UGT1A9: variants seen among roughly 807,000 people sequenced by gnomAD.
UGT1A9 encodes the protein UDP glucuronosyltransferase family 1 member A9.
In UGT1A9, 35 loss-of-function variants were observed where a neutral mutation model predicts 45.0. That is an observed-to-expected ratio of 0.78 (90% confidence interval 0.59 to 1.03). The LOEUF (loss-of-function observed/expected upper bound fraction) is 1.03. Ranked by LOEUF, UGT1A9 falls within the 50% of genes least tolerant of loss-of-function variation. UGT1A9 has a pLI of 0.00. For missense variants in UGT1A9, 687 were observed against 666.6 expected, an observed-to-expected ratio of 1.03 and a Z score of -0.34; for synonymous variants, 278 against 250.6, an observed-to-expected ratio of 1.11 and a Z score of -1.03.
intron 1 of UGT1A9, among the ~76,000 whole-genome samples, chr2:233,735,302 G>A (rs1400766071): frequency 6.6e-6 from 1 of 151,808 alleles, no homozygotes; most frequent in Non-Finnish European, 1.5e-5. Flanking sequence ...TTTTGTTAAA[G>A]TCTGTTTTAT....
At chr2:233,747,366 C>A in intron 1 of UGT1A9, 1 of 1,604,318 alleles carries the variant, frequency 6.2e-7, no homozygotes, top group Non-Finnish European at 8.5e-7. Context: ...GCGGGAGCTC[C>A]ATGCCAGAGG....
intron 1 of UGT1A9, among the ~76,000 whole-genome samples, chr2:233,731,421 G>A (rs1039281599): frequency 6.6e-6 from 1 of 151,738 alleles, no homozygotes; most frequent in Non-Finnish European, 1.5e-5. Flanking sequence ...TTTTCCTAAT[G>A]CCATCCCTCC....
chr2:233,747,827 G>A, intron 1 of UGT1A9: 1 of 1,613,482 alleles, frequency 6.2e-7, no homozygotes, highest in Non-Finnish European at 8.5e-7. Context: ...CAGACCACAT[G>A]ACATTCCTGC....
intron 1 of UGT1A9, among the ~76,000 whole-genome samples, chr2:233,723,841 T>C (rs2077133746): frequency 2.6e-5 from 1 of 38,274 alleles, no homozygotes; most frequent in Non-Finnish European, 4.5e-5. Flanking sequence ...GAGCACAGGG[T>C]TGGGGGTAAG....
In UGT1A9 at chr2:233,769,485, G is replaced by A; in HGVS notation, c.1295+1046G>A. On this transcript the variant is annotated intron_variant, in intron 4 of 4. Coordinates refer to ENST00000354728, the MANE Select transcript of UGT1A9 (RefSeq NM_021027.3). This position sits in a 1 kb window ranked among gnomAD's most constrained non-coding sequence, Gnocchi z 4.4. ...TATGCGTGTGTGTGTGTGTGCGTGTGTTTATGAGAGTGTCCATTGCTTTCT... is the reference window on the plus strand; with the variant it reads ...TATGCGTGTGTGTGTGTGTGCGTGTATTTATGAGAGTGTCCATTGCTTTCT... 6.2e-7 allele frequency: 1 copy of A among 1,612,612 alleles called. No individual in the cohort carries two copies. Among genetic ancestry groups the A allele is most frequent in the Non-Finnish European group, 8.5e-7 (1 of 1,179,716 alleles).
intron 1 of UGT1A9, among the ~76,000 whole-genome samples, chr2:233,745,269 G>A (rs528500230): frequency 2.6e-5 from 4 of 151,940 alleles, no homozygotes; most frequent in Admixed American, 2.6e-4. Context: ...CTTGCAGGCC[G>A]TGTGTATAGC....
rs772500318 is a variant in UGT1A9 at position 233,672,694 on chromosome 2, C to T, written c.760C>T (p.Arg254Ter). The T allele has an allele frequency of 3.7e-5, 59 of 1,613,794 alleles. No individual in the cohort carries two copies. The highest frequency in any genetic ancestry group is 1.6e-4 in the Middle Eastern group (1 of 6,076). ...LYSHTSIWLL[R>*]TDFVLDYPKP... is the part of the protein sequence containing the mutation. Reference sequence around the variant, plus strand: ...CAGCCACACATCAATTTGGTTGTTGCGAACGGACTTTGTTTTGGACTATCC... The same window carrying T: ...CAGCCACACATCAATTTGGTTGTTGTGAACGGACTTTGTTTTGGACTATCC... Residue 254 changes from arginine to a stop codon, truncating the protein, a stop_gained, in exon 1 of 5, where the codon CGA (arginine) becomes TGA (stop). Coordinates refer to ENST00000354728, the MANE Select transcript of UGT1A9 (RefSeq NM_021027.3). LOFTEE classifies it high-confidence loss of function.
intron 1 of UGT1A9, among the ~76,000 whole-genome samples, chr2:233,678,229 A>G (rs539832176): frequency 6.6e-6 from 1 of 152,352 alleles, no homozygotes; most frequent in East Asian, 1.9e-4. Flanking sequence ...TACTTGGGTG[A>G]TGGGAGCAAT....
intron 1 of UGT1A9, among the ~76,000 whole-genome samples, chr2:233,736,722 G>A (rs149071654): frequency 0.034 from 5,130 of 151,780 alleles, 99 homozygotes; most frequent in African/African-American, 0.051. Flanking sequence ...CCTTTTTGTT[G>A]ATGTTTATGC....
At chr2:233,767,976 C>G in intron 3 of UGT1A9, 40 bp downstream of exon 3, 1 of 1,614,042 alleles carries the variant, frequency 6.2e-7, no homozygotes. Context: ...AAACCAGGGT[C>G]AAATTAAGAA....
In UGT1A9 at chr2:233,755,021, G is replaced by A. The variant is rs1378604817; in HGVS notation, c.856-12013G>A. 6 of 1,305,166 alleles carry A rather than the reference G, an allele frequency of 4.6e-6. No individual in the cohort carries two copies. In the East Asian group the frequency reaches 2.8e-4, roughly 60 times the overall value. The allele number at this position is 1,305,166 out of a possible 1,614,324, so 80.8% of individuals were successfully genotyped here. A position where few individuals can be genotyped will look rare whatever the true frequency, so the allele number is the denominator to read the frequency against. Reference sequence around the variant, plus strand: ...TGAAGACCTACTCGAAGGGGTCCTTGAAGGGCCTGCCGCCTGCGCAGCCGC... The same window carrying A: ...TGAAGACCTACTCGAAGGGGTCCTTAAAGGGCCTGCCGCCTGCGCAGCCGC... On this transcript the variant is annotated intron_variant, in intron 1 of 4. Transcript: ENST00000354728.
At chr2:233,760,401 C>T (rs2125983506) in intron 1 of UGT1A9, 1 of 1,614,220 alleles carries the variant, frequency 6.2e-7, no homozygotes, top group Non-Finnish European at 8.5e-7. Flanking sequence ...TGGATGGCAG[C>T]CACTGGCTGA....
intron 3 of UGT1A9, 132 bp downstream of exon 3, chr2:233,768,068 A>C: frequency 6.3e-7 from 1 of 1,596,810 alleles, no homozygotes; most frequent in African/African-American, 1.3e-5. Flanking sequence ...CTTTTTATCT[A>C]GTGGGGTATC....
At chr2:233,691,135 A>G (rs2075030169) in intron 1 of UGT1A9, 2 of 985,700 alleles carry the variant, frequency 2.0e-6, no homozygotes, top group Non-Finnish European at 2.4e-6. Flanking sequence ...TTCTTCCTCT[A>G]GATGAACTGT....
intron 1 of UGT1A9, among the ~76,000 whole-genome samples, chr2:233,751,911 A>T (rs1694846299): frequency 6.6e-6 from 1 of 152,190 alleles, no homozygotes; most frequent in African/African-American, 2.4e-5. Context: ...GAACAGACTA[A>T]TACAAGATTG....
chr2:233,731,475 C>A lies in UGT1A9; in HGVS notation c.856-35559C>A, dbSNP rs368820066. ...AACAGGCCCTGGCGTGTGATGTTCC[C>A]TGGCCTGTGTCCAGTGTTCTTGCTG... On this transcript the variant is annotated intron_variant, in intron 1 of 4. Coordinates refer to ENST00000354728, the MANE Select transcript of UGT1A9 (RefSeq NM_021027.3). Among the ~76,000 whole-genome samples the A allele has an allele frequency of 3.1e-4, 47 of 152,264 alleles. No homozygotes were observed. The South Asian group carries it at 9.3e-3, about 30-fold the overall frequency.
At chr2:233,734,623 T>A (rs2078542439) in intron 1 of UGT1A9, among the ~76,000 whole-genome samples, 1 of 152,236 alleles carries the variant, frequency 6.6e-6, no homozygotes, top group African/African-American at 2.4e-5. Flanking sequence ...TGATTTTAGA[T>A]CTTTCCTGCT....
In UGT1A9 at chr2:233,698,281, T is replaced by C. The variant is rs77422463; in HGVS notation, c.855+25492T>C. Among the ~76,000 whole-genome samples the C allele has an allele frequency of 8.3e-4, 127 of 152,242 alleles. 1 individual carries two copies. In the East Asian group the frequency reaches 0.023, roughly 28 times the overall value. On this transcript the variant is annotated intron_variant, in intron 1 of 4. Coordinates refer to ENST00000354728, the MANE Select transcript of UGT1A9 (RefSeq NM_021027.3). ...CAATAATCAAACCATTTCAACACTA[T>C]GAAAAAAAATGTGTCTTTGGACAGA...
At chr2:233,724,087 T>C in intron 1 of UGT1A9, among the ~76,000 whole-genome samples, 2 of 102,630 alleles carry the variant, frequency 1.9e-5, no homozygotes, top group East Asian at 2.4e-4. Flanking sequence ...GAGGGGCTCC[T>C]CACTTCCCAG....
Sources: gnomAD v4.1 joint callset for allele counts (sites outside exome capture counted in the v4.1 genomes callset) on GRCh38, gnomAD v4.1.1 for gene constraint, Gnocchi (gnomAD v3.1) non-coding constraint, MANE v1.5 for transcripts, NCBI Gene and HGNC (gene_info 2026-07-23, HGNC 2026-07-21) for gene names.